The following CEACAM21 variants were observed in gnomAD, a reference collection of about 807,000 sequenced individuals.
CEACAM21 encodes CEA cell adhesion molecule 21.
In CEACAM21, 38 loss-of-function variants were observed where a neutral mutation model predicts 33.2. The observed-to-expected ratio is 1.14, with a 90% CI of 0.88 to 1.50. CEACAM21 has a LOEUF of 1.50. CEACAM21 is among the 40% of genes most tolerant of loss of function. CEACAM21 has a pLI of 0.00. For missense variants in CEACAM21, 385 were observed against 364.6 expected (o/e 1.06, Z -0.46); for synonymous variants, 156 against 143.0 (o/e 1.09, Z -0.65).
chr19:41,585,422 A>G (rs1355292295), intron 4 of CEACAM21, 21 bp from the exon 5 acceptor site: 12 of 1,613,580 alleles, frequency 7.4e-6, no homozygotes, highest in East Asian at 4.5e-5. Context: ...CACCTTCACA[A>G]ATAACCCTGA....
chr19:41,559,577 T>G (rs946065490), intron 1 of CEACAM21, among the ~76,000 whole-genome samples: 1 of 152,062 alleles, frequency 6.6e-6, no homozygotes, highest in Admixed American at 6.5e-5. Flanking sequence ...AGAAAATAGT[T>G]AATATGTATG....
intron 1 of CEACAM21, 21 bp downstream of exon 1, chr19:41,576,359 G>A (rs782023253): frequency 2.5e-6 from 4 of 1,601,002 alleles, no homozygotes; most frequent in Admixed American, 3.5e-5. Context: ...GACTCCCTGG[G>A]AGTGGGTGGG....
At chr19:41,563,758 G>A (rs782393173) in intron 1 of CEACAM21, among the ~76,000 whole-genome samples, 9 of 152,266 alleles carry the variant, frequency 5.9e-5, no homozygotes, top group Admixed American at 2.6e-4. Context: ...AGGGCAAGGG[G>A]GTGGTCCCTT....
At chr19:41,558,375 C>A (rs552856001) in intron 1 of CEACAM21, among the ~76,000 whole-genome samples, 2 of 152,240 alleles carry the variant, frequency 1.3e-5, no homozygotes, top group East Asian at 1.9e-4. Context: ...CAGCTGGGCA[C>A]GGTGGCTCAC....
At chr19:41,577,674 G>A (rs1555791847) in intron 2 of CEACAM21, 115 bp downstream of exon 2, 2 of 1,499,208 alleles carry the variant, frequency 1.3e-6, no homozygotes, top group Non-Finnish European at 9.0e-7. Context: ...CCATGTTGGG[G>A]TTTGGGCATT....
intron 2 of CEACAM21, 103 bp from the exon 3 acceptor site, chr19:41,579,250 T>A: frequency 6.3e-7 from 1 of 1,586,972 alleles, no homozygotes; most frequent in Non-Finnish European, 8.6e-7. Context: ...CTGTCCTTCA[T>A]CTTTCTCCTT....
intron 3 of CEACAM21, among the ~76,000 whole-genome samples, chr19:41,580,575 T>C (rs1321060661): frequency 3.3e-5 from 5 of 152,120 alleles, no homozygotes; most frequent in African/African-American, 1.2e-4. Flanking sequence ...GGGAAACACA[T>C]ACTTAGGCTT....
chr19:41,566,305 C>T (rs984708505), intron 2 of CEACAM21, among the ~76,000 whole-genome samples: 1 of 152,138 alleles, frequency 6.6e-6, no homozygotes. Context: ...GCATGTGTTT[C>T]CTTTACCTAT....
At chr19:41,557,385 C>A (rs1490304391) in intron 1 of CEACAM21, among the ~76,000 whole-genome samples, 2 of 152,084 alleles carry the variant, frequency 1.3e-5, no homozygotes, top group African/African-American at 4.8e-5. Flanking sequence ...CCAGTTTTAC[C>A]CCAAGCCTTT....
chr19:41,556,542 T>TA (rs2041539514), intron 1 of CEACAM21, among the ~76,000 whole-genome samples: 1 of 152,260 alleles, frequency 6.6e-6, no homozygotes, highest in Non-Finnish European at 1.5e-5. Flanking sequence ...AGATCTCTTA[T>TA]AATCAGATTT....
At chr19:41,561,664 G>T (rs1399603659) in intron 1 of CEACAM21, among the ~76,000 whole-genome samples, 4 of 152,188 alleles carry the variant, frequency 2.6e-5, no homozygotes, top group Admixed American at 1.3e-4. Flanking sequence ...ACATCAAGTT[G>T]TCTCATAAAG....
At chr19:41,581,930 A>G (rs1222625702) in intron 3 of CEACAM21, among the ~76,000 whole-genome samples, 1 of 152,214 alleles carries the variant, frequency 6.6e-6, no homozygotes, top group Non-Finnish European at 1.5e-5. Flanking sequence ...CATGCCTTCC[A>G]ACAGTTCCCC....
At chr19:41,555,029 G>A (rs2041452193) in intron 1 of CEACAM21, 1 of 152,006 alleles carries the variant, frequency 6.6e-6, no homozygotes, top group Non-Finnish European at 1.5e-5. Context: ...TCTAAAGCAT[G>A]TGAACTTCAC....
intron 1 of CEACAM21, among the ~76,000 whole-genome samples, chr19:41,558,106 T>C (rs2041650278): frequency 6.6e-6 from 1 of 152,218 alleles, no homozygotes; most frequent in African/African-American, 2.4e-5. Flanking sequence ...CAATTCCTTT[T>C]TTCAGTGTTA....
intron 2 of CEACAM21, among the ~76,000 whole-genome samples, chr19:41,577,941 G>C (rs1011200363): frequency 6.6e-6 from 1 of 152,130 alleles, no homozygotes; most frequent in Non-Finnish European, 1.5e-5. Context: ...CCTGCCCCAG[G>C]CCCCTGTCCC....
chr19:41,570,984 G>T (rs1382845314), intron 2 of CEACAM21, among the ~76,000 whole-genome samples: 1 of 152,046 alleles, frequency 6.6e-6, no homozygotes, highest in Non-Finnish European at 1.5e-5. Flanking sequence ...GGGAAGCTGC[G>T]GGAGGGCACA....
intron 3 of CEACAM21, 139 bp from the exon 4 acceptor site, chr19:41,584,208 C>G: frequency 1.5e-6 from 1 of 684,316 alleles, no homozygotes; most frequent in Non-Finnish European, 2.5e-6. Flanking sequence ...AGGGAGCCAG[C>G]TATGAGGACA....
At position 41,553,959 on chromosome 19, in the gene CEACAM21, G is replaced by A. The variant is rs138588422; in HGVS notation, c.-779+4407G>A. ...ATAGTTTCCAAATTCTGGGGAAATC[G>A]GGTAGAGAGAAACAAATAATGCTCC... On this transcript the variant is annotated intron_variant, in intron 1 of 7. Transcript: ENST00000407170. 7.6e-3 allele frequency among the ~76,000 whole-genome samples: 1,154 copies of A among 152,114 alleles called. 19 individuals are homozygous for A. The highest frequency in any genetic ancestry group is 0.027 in the African/African-American group (1,115 of 41,514).
At chr19:41,586,186 C>A (rs1038050357) in intron 6 of CEACAM21, 17 of 578,420 alleles carry the variant, frequency 2.9e-5, no homozygotes, top group Non-Finnish European at 2.5e-5. Flanking sequence ...CAGCTGCTCT[C>A]ATCTATGAGG....
Sources: allele counts gnomAD v4.1 joint callset (sites outside exome capture counted in the v4.1 genomes callset), GRCh38; gene constraint gnomAD v4.1.1; transcripts MANE v1.5; gene names NCBI Gene and HGNC (gene_info 2026-07-23, HGNC 2026-07-21).